The following SVEP1 variants were observed in gnomAD, a reference collection of about 807,000 sequenced individuals.
SVEP1 encodes the protein sushi, von Willebrand factor type A, EGF and pentraxin domain containing 1, also known as sushi, von Willebrand factor type A, EGF and pentraxin domain-containing protein 1.
In SVEP1, 164 loss-of-function variants were observed where a neutral mutation model predicts 367.3. That is an observed-to-expected ratio of 0.45 (90% confidence interval 0.39 to 0.51). SVEP1 has a LOEUF of 0.51. Ranked by LOEUF, SVEP1 falls within the 20% of genes least tolerant of loss-of-function variation. The pLI is 0.00. For synonymous variants in SVEP1, 1,666 were observed against 1,611.6 expected (o/e 1.03, Z -0.81); for missense variants, 4,117 against 4,425.3 (o/e 0.93, Z 1.98).
At position 110,489,778 on chromosome 9, in the gene SVEP1, A is replaced by G; in HGVS notation, c.1802T>C (p.Val601Ala). Residue 601 changes from valine (V) to alanine (A), a missense_variant and splice_region_variant, in exon 9 of 48, where the codon GTG becomes GCG. By Grantham distance (64) the Val-to-Ala change is moderately conservative. Coordinates refer to ENST00000374469, the MANE Select transcript of SVEP1 (RefSeq NM_153366.4). ...PTAKDNSGEKVSVHVHPAFTP... is the reference protein window; with the variant it reads ...PTAKDNSGEKASVHVHPAFTP... Reference sequence around the variant, plus strand: ...GAAAGCTGGATGAACGTGGACTGACACCTATTGGAGATACACAAATATTTT... The same window carrying G: ...GAAAGCTGGATGAACGTGGACTGACGCCTATTGGAGATACACAAATATTTT... The G allele has an allele frequency of 6.2e-7, 1 of 1,610,710 alleles. No individual in the cohort carries two copies. The highest frequency in any genetic ancestry group is 8.5e-7 in the Non-Finnish European group (1 of 1,178,440).
At chr9:110,372,614 T>C (rs1827295073) in intron 46 of SVEP1, among the ~76,000 whole-genome samples, 1 of 152,206 alleles carries the variant, frequency 6.6e-6, no homozygotes, top group African/African-American at 2.4e-5. Context: ...AAGTAGATTA[T>C]TGTGATATTG....
intron 3 of SVEP1, among the ~76,000 whole-genome samples, chr9:110,521,994 A>C (rs954632871): frequency 6.6e-6 from 1 of 152,022 alleles, no homozygotes; most frequent in African/African-American, 2.4e-5. Context: ...TTTTTTAAAA[A>C]TTTTCTTAGG....
intron 3 of SVEP1, among the ~76,000 whole-genome samples, chr9:110,538,225 T>G (rs1830103506): frequency 6.6e-6 from 1 of 152,046 alleles, no homozygotes; most frequent in South Asian, 2.1e-4. Context: ...TAGCCTGATT[T>G]AGGCAACAGT....
chr9:110,503,715 C>T (rs972807517), intron 5 of SVEP1, among the ~76,000 whole-genome samples: 5 of 152,218 alleles, frequency 3.3e-5, no homozygotes, highest in African/African-American at 4.8e-5. Context: ...CTGCCATCTT[C>T]GGTTGTGGTA....
At chr9:110,377,909 C>CTCTGCT (rs1024915854) in intron 44 of SVEP1, among the ~76,000 whole-genome samples, 21 of 132,210 alleles carry the variant, frequency 1.6e-4, no homozygotes, top group African/African-American at 5.7e-4. Context: ...ACCATCTACT[C>CTCTGCT]TCTGCTTCTA....
At chr9:110,391,234 C>T in intron 40 of SVEP1, among the ~76,000 whole-genome samples, 1 of 150,468 alleles carries the variant, frequency 6.6e-6, no homozygotes, top group East Asian at 2.0e-4. Context: ...ATTTTATGAA[C>T]AAATGTACAG....
intron 14 of SVEP1, among the ~76,000 whole-genome samples, chr9:110,475,020 ATG>A (rs1269935852): frequency 6.6e-6 from 1 of 150,972 alleles, no homozygotes; most frequent in African/African-American, 2.4e-5. Flanking sequence ...TGGTATATAT[ATG>A]TGTATCTACA....
chr9:110,579,242 C>G lies in SVEP1; in HGVS notation c.302G>C (p.Ser101Thr). 2 of 1,570,502 alleles carry G rather than the reference C, an allele frequency of 1.3e-6. No individual in the cohort carries two copies. Among genetic ancestry groups the G allele is most frequent in the Non-Finnish European group, 8.6e-7 (1 of 1,158,914 alleles). ...CAGCTTGCGGACGAACATGAGCTCGCTGCGGAAGTTGACTTCGCCCACGCT... is the reference window on the plus strand; with the variant it reads ...CAGCTTGCGGACGAACATGAGCTCGGTGCGGAAGTTGACTTCGCCCACGCT... ...SSSVGEVNFR[S>T]ELMFVRKLLS... is the part of the protein sequence containing the mutation. The change falls in exon 1 of 48, where the codon AGC becomes ACC. Residue 101 changes from serine to threonine, a missense_variant. Around this residue, in one of 4 missense-constraint regions of SVEP1, gnomAD observed 161 missense variants for 122.4 expected, o/e 1.32. Transcript: ENST00000374469. This position sits in a 1 kb window ranked among gnomAD's most constrained non-coding sequence, Gnocchi z 5.3.
chr9:110,468,958 T>G lies in SVEP1; in HGVS notation c.3142A>C (p.Asn1048His). The change falls in exon 17 of 48, where the codon AAC (asparagine) becomes CAC (histidine). Residue 1048 changes from asparagine to histidine, a missense_variant. By Grantham distance (68) the Asn-to-His change is moderately conservative. Around this residue, in one of 4 missense-constraint regions of SVEP1, gnomAD observed 2,174 missense variants for 2,494.3 expected, o/e 0.87. Transcript: ENST00000374469. Reference protein sequence around the residue: ...GMYTEYIHSRNISDCKAQCKQ... With the variant: ...GMYTEYIHSRHISDCKAQCKQ... ...CCTCTACCTTTACAATCAGAGATGTTTCTTGAATGGATATATTCCGTGTAC... is the reference window on the plus strand; with the variant it reads ...CCTCTACCTTTACAATCAGAGATGTGTCTTGAATGGATATATTCCGTGTAC... 6.2e-7 allele frequency: 1 copy of G among 1,600,420 alleles called. No homozygotes were observed. Among genetic ancestry groups the G allele is most frequent in the South Asian group, 1.1e-5 (1 of 88,578 alleles).
At chr9:110,559,303 T>C (rs1564176359) in intron 1 of SVEP1, among the ~76,000 whole-genome samples, 1 of 152,036 alleles carries the variant, frequency 6.6e-6, no homozygotes, top group Admixed American at 6.6e-5. Context: ...AAAATATATG[T>C]ATTATGCTTA....
At chr9:110,392,499 T>C (rs1016148689) in intron 40 of SVEP1, among the ~76,000 whole-genome samples, 3 of 152,110 alleles carry the variant, frequency 2.0e-5, no homozygotes, top group Non-Finnish European at 4.4e-5. Context: ...TGTCTGGTTG[T>C]CTCCATTTTT....
chr9:110,435,104 T>C, intron 29 of SVEP1, 137 bp downstream of exon 29: 2 of 922,006 alleles, frequency 2.2e-6, no homozygotes, highest in Non-Finnish European at 3.0e-6. Flanking sequence ...AGGGTAAATA[T>C]GAATTACTAG....
At chr9:110,394,554 C>T (rs146003234) in intron 40 of SVEP1, among the ~76,000 whole-genome samples, 130 of 152,078 alleles carry the variant, frequency 8.5e-4, no homozygotes, top group African/African-American at 2.5e-3. Context: ...AAACTACTCT[C>T]AGCTACAGGA....
At chr9:110,571,318 A>T (rs35960853) in intron 1 of SVEP1, among the ~76,000 whole-genome samples, 10,794 of 152,212 alleles carry the variant, frequency 0.071, 445 homozygotes, top group Non-Finnish European at 0.099. Flanking sequence ...AGCTCCATAA[A>T]ACTAAGGGTA....
chr9:110,491,887 A>G lies in SVEP1; in HGVS notation c.1801-2108T>C, dbSNP rs192177228. Among the ~76,000 whole-genome samples, 6 of 152,268 alleles carry G rather than the reference A, an allele frequency of 3.9e-5. No homozygotes were observed. The East Asian group carries it at 1.2e-3, about 29-fold the overall frequency. On this transcript the variant is annotated intron_variant, in intron 8 of 47. Coordinates refer to ENST00000374469, the MANE Select transcript of SVEP1 (RefSeq NM_153366.4). ...GATTTGAAGAAAGCTATGACTGTACATAAAAAGGACTCTTGATGTACCAAA... is the reference window on the plus strand; with the variant it reads ...GATTTGAAGAAAGCTATGACTGTACGTAAAAAGGACTCTTGATGTACCAAA...
At chr9:110,495,172 T>G (rs2118737244) in intron 8 of SVEP1, among the ~76,000 whole-genome samples, 1 of 152,268 alleles carries the variant, frequency 6.6e-6, no homozygotes, top group Middle Eastern at 3.4e-3. Flanking sequence ...ATTGGTTCTC[T>G]CCATTTCTAT....
intron 1 of SVEP1, among the ~76,000 whole-genome samples, chr9:110,559,985 CTGTT>C (rs1164606423): frequency 3.3e-5 from 5 of 152,060 alleles, no homozygotes; most frequent in Non-Finnish European, 7.4e-5. Flanking sequence ...TACTGTATGT[CTGTT>C]TGTGTATGTA....
chr9:110,561,538 T>C (rs1485262663), intron 1 of SVEP1, among the ~76,000 whole-genome samples: 1 of 152,206 alleles, frequency 6.6e-6, no homozygotes, highest in Admixed American at 6.5e-5. Context: ...TAATACATTC[T>C]AGGCCAAAAC....
At chr9:110,536,491 T>C (rs888969130) in intron 3 of SVEP1, among the ~76,000 whole-genome samples, 5 of 152,014 alleles carry the variant, frequency 3.3e-5, no homozygotes, top group African/African-American at 4.8e-5. Context: ...CATACATATA[T>C]AACTAAATTA....
Sources: gnomAD v4.1 joint callset for allele counts (sites outside exome capture counted in the v4.1 genomes callset) on GRCh38, gnomAD v4.1.1 for gene constraint, gnomAD v4.1.1 regional missense constraint, Gnocchi (gnomAD v3.1) non-coding constraint, MANE v1.5 for transcripts, NCBI Gene and HGNC (gene_info 2026-07-23, HGNC 2026-07-21) for gene names.